Variants in GPC6 observed in about 807,000 individuals in gnomAD.
GPC6 encodes the protein glypican-6.
A neutral mutation model predicts 55.2 loss-of-function variants in GPC6; 14 were observed. The ratio of observed to expected loss-of-function variants is 0.25; its 90% CI spans 0.17 to 0.40. The LOEUF (loss-of-function observed/expected upper bound fraction) is 0.40. Ranked by LOEUF, GPC6 falls within the 10% of genes least tolerant of loss-of-function variation. The pLI, the probability that GPC6 is intolerant of heterozygous loss-of-function variation, is 1.00. For missense variants in GPC6, 641 were observed against 708.5 expected (o/e 0.90, Z 1.08); for synonymous variants, 278 against 259.6 (o/e 1.07, Z -0.68).
At chr13:94,313,204 A>G (rs1228018915) in intron 6 of GPC6, among the ~76,000 whole-genome samples, 1 of 152,222 alleles carries the variant, frequency 6.6e-6, no homozygotes, top group African/African-American at 2.4e-5. Flanking sequence ...CTTTCCATTT[A>G]GGAGGCTGTG....
chr13:93,959,577 T>A (rs1879673640), intron 3 of GPC6, among the ~76,000 whole-genome samples: 1 of 152,224 alleles, frequency 6.6e-6, no homozygotes, highest in South Asian at 2.1e-4. Context: ...TATTATCTGA[T>A]CTAATATTCA....
intron 1 of GPC6, among the ~76,000 whole-genome samples, chr13:93,507,866 A>G (rs1880797069): frequency 6.6e-6 from 1 of 152,026 alleles, no homozygotes; most frequent in African/African-American, 2.4e-5. Flanking sequence ...TACTGTGCTT[A>G]CCGCTAAGCA....
chr13:93,432,035 A>G (rs1282106921), intron 1 of GPC6, among the ~76,000 whole-genome samples: 3 of 152,168 alleles, frequency 2.0e-5, no homozygotes, highest in Admixed American at 6.6e-5. Flanking sequence ...GCTATAATCT[A>G]CATACGTCAC....
chr13:93,684,221 T>A (rs1881957202), intron 2 of GPC6, among the ~76,000 whole-genome samples: 1 of 152,154 alleles, frequency 6.6e-6, no homozygotes, highest in East Asian at 1.9e-4. Context: ...ATTTTGCTCT[T>A]GTTGCCCAGC....
At chr13:93,982,278 C>G (rs777777648) in intron 3 of GPC6, among the ~76,000 whole-genome samples, 10 of 152,106 alleles carry the variant, frequency 6.6e-5, no homozygotes, top group Non-Finnish European at 8.8e-5. Flanking sequence ...AATGCAGTCT[C>G]TACATTCAAA....
At chr13:93,703,817 T>C (rs1882755197) in intron 2 of GPC6, among the ~76,000 whole-genome samples, 1 of 151,936 alleles carries the variant, frequency 6.6e-6, no homozygotes, top group South Asian at 2.1e-4. Flanking sequence ...GAAAAGAAAC[T>C]CTCTATTTTT....
intron 4 of GPC6, among the ~76,000 whole-genome samples, chr13:94,131,287 T>C (rs1886991788): frequency 1.3e-5 from 2 of 152,112 alleles, no homozygotes; most frequent in African/African-American, 4.8e-5. Flanking sequence ...TTATTGTGCA[T>C]TTCGCCTCTA....
At chr13:93,294,836 C>G (rs888147012) in intron 1 of GPC6, among the ~76,000 whole-genome samples, 2 of 152,020 alleles carry the variant, frequency 1.3e-5, no homozygotes, top group African/African-American at 4.8e-5. Context: ...ATCCAACTAC[C>G]TACTGATTAT....
chr13:93,244,019 G>C (rs931811786), intron 1 of GPC6, among the ~76,000 whole-genome samples: 2 of 152,210 alleles, frequency 1.3e-5, no homozygotes, highest in Admixed American at 6.5e-5. Flanking sequence ...GAGGGGAAAA[G>C]CTGGGTGGGG....
chr13:94,353,357 A>G (rs1878644822), intron 6 of GPC6, among the ~76,000 whole-genome samples: 2 of 152,142 alleles, frequency 1.3e-5, no homozygotes, highest in East Asian at 1.9e-4. Flanking sequence ...TAAACAAATC[A>G]TGAGTGTTTG....
intron 2 of GPC6, among the ~76,000 whole-genome samples, chr13:93,673,052 T>C (rs1208201089): frequency 6.6e-6 from 1 of 152,148 alleles, no homozygotes; most frequent in Non-Finnish European, 1.5e-5. Context: ...AGAAAAGGTT[T>C]ACTGAAAATA....
At chr13:93,775,216 G>C (rs1885429127) in intron 2 of GPC6, among the ~76,000 whole-genome samples, 1 of 152,060 alleles carries the variant, frequency 6.6e-6, no homozygotes, top group Non-Finnish European at 1.5e-5. Flanking sequence ...TGTTGCCCAG[G>C]CTGAACTTGA....
intron 2 of GPC6, among the ~76,000 whole-genome samples, chr13:93,719,104 T>C (rs1883354288): frequency 6.6e-6 from 1 of 152,120 alleles, no homozygotes; most frequent in African/African-American, 2.4e-5. Context: ...AAGTAGCTTT[T>C]TTCTAATTCT....
chr13:93,242,585 C>G (rs1047790053), intron 1 of GPC6, among the ~76,000 whole-genome samples: 2 of 152,140 alleles, frequency 1.3e-5, no homozygotes, highest in Non-Finnish European at 2.9e-5. Flanking sequence ...GGAGAAGTCC[C>G]CTCTACGTCA....
chr13:93,822,232 A>G (rs1887073619), intron 2 of GPC6, among the ~76,000 whole-genome samples: 1 of 152,028 alleles, frequency 6.6e-6, no homozygotes, highest in African/African-American at 2.4e-5. Flanking sequence ...ATGAGGCACC[A>G]TTTTGGCCAA....
intron 6 of GPC6, among the ~76,000 whole-genome samples, chr13:94,356,985 T>C (rs1373094482): frequency 1.3e-5 from 2 of 152,164 alleles, no homozygotes; most frequent in African/African-American, 4.8e-5. Flanking sequence ...CCATGATTGA[T>C]AGATGTGAAC....
At position 93,629,049 on chromosome 13, in the gene GPC6, CAAAA is replaced by C. The variant is rs34212412; in HGVS notation, c.319+83633_319+83636del. Among the ~76,000 whole-genome samples, 659 of 145,738 alleles carry C rather than the reference CAAAA, an allele frequency of 4.5e-3. 1 individual carries two copies. Among genetic ancestry groups the C allele is most frequent in the African/African-American group, 0.016 (627 of 40,048 alleles). On this transcript the variant is annotated intron_variant, in intron 2 of 8. Coordinates refer to ENST00000377047, the MANE Select transcript of GPC6 (RefSeq NM_005708.5). The stretch of plus-strand genomic sequence containing the variant: ...TACTTCTAGCCAGAAAAAAAAAAAA[CAAAA>C]AAAACTGACTTTTAAAAGTCATTAG...
chr13:94,101,399 G>A (rs918036473), intron 4 of GPC6, among the ~76,000 whole-genome samples: 5 of 152,160 alleles, frequency 3.3e-5, no homozygotes, highest in African/African-American at 1.2e-4. Flanking sequence ...TTATGTCCAT[G>A]GACTGTGATC....
intron 4 of GPC6, among the ~76,000 whole-genome samples, chr13:94,177,103 T>C (rs779516006): frequency 2.0e-5 from 3 of 152,222 alleles, no homozygotes; most frequent in Non-Finnish European, 4.4e-5. Flanking sequence ...GAAGAAGTTA[T>C]CAATTCTGTA....
Sources: gnomAD v4.1 joint callset for allele counts (sites outside exome capture counted in the v4.1 genomes callset) on GRCh38, gnomAD v4.1.1 for gene constraint, MANE v1.5 for transcripts, NCBI Gene and HGNC (gene_info 2026-07-23, HGNC 2026-07-21) for gene names.